Variants in ANXA8 observed in about 807,000 individuals in gnomAD.
ANXA8 encodes the protein VAC-beta.
A neutral mutation model predicts 26.8 loss-of-function variants in ANXA8; 9 were observed. The observed-to-expected ratio is 0.34, with a 90% confidence interval of 0.20 to 0.59. The LOEUF is 0.59. Ranked by LOEUF, ANXA8 falls within the 20% of genes least tolerant of loss-of-function variation. The pLI, the probability that ANXA8 is intolerant of heterozygous loss-of-function variation, is 0.84. For synonymous variants in ANXA8, 39 were observed against 94.8 expected (o/e 0.41, Z 3.42); for missense variants, 83 against 238.5 (o/e 0.35, Z 4.29).
At chr10:47,932,513 G>A in the ANXA8 span, among the ~76,000 whole-genome samples, 1 of 145,958 alleles carries the variant, frequency 6.9e-6, no homozygotes, top group African/African-American at 2.6e-5. Context: ...TTGCCCCCTT[G>A]TCTCCACATG....
the ANXA8 span, among the ~76,000 whole-genome samples, chr10:47,680,403 G>T: frequency 6.6e-6 from 1 of 151,850 alleles, no homozygotes; most frequent in African/African-American, 2.4e-5. Flanking sequence ...GGGAGTCTGC[G>T]GTGGGTGGAT....
chr10:47,682,779 T>A, the ANXA8 span, among the ~76,000 whole-genome samples: 1 of 152,044 alleles, frequency 6.6e-6, no homozygotes, highest in East Asian at 1.9e-4. Flanking sequence ...CTCACCCTAT[T>A]CCTAAGGCCA....
the ANXA8 span, chr10:47,599,842 G>T: frequency 6.7e-6 from 1 of 150,124 alleles, no homozygotes; most frequent in East Asian, 1.9e-4. Context: ...TTCCTCACAC[G>T]CACTGTTGGG....
At chr10:47,970,352 T>C in the ANXA8 span, 4 of 151,212 alleles carry the variant, frequency 2.6e-5, no homozygotes, top group African/African-American at 9.7e-5. Context: ...CTTGTGGCAC[T>C]GAAGAATGTT....
the ANXA8 span, among the ~76,000 whole-genome samples, chr10:47,556,615 T>A: frequency 1.3e-5 from 2 of 151,856 alleles, no homozygotes; most frequent in African/African-American, 4.9e-5. Flanking sequence ...GTTTTATGGA[T>A]ATGTACATAT....
the ANXA8 span, among the ~76,000 whole-genome samples, chr10:47,556,940 A>G: frequency 1.3e-5 from 2 of 149,766 alleles, no homozygotes; most frequent in Non-Finnish European, 3.0e-5. Flanking sequence ...GTATTTGCCT[A>G]CTTTATACAG....
the ANXA8 span, chr10:47,696,341 G>C: frequency 3.4e-6 from 2 of 586,280 alleles, 1 homozygote; most frequent in African/African-American, 4.1e-5. Context: ...GCTGTGACTA[G>C]TAGGTTAACC....
the ANXA8 span, chr10:47,553,204 T>A: frequency 6.6e-6 from 1 of 152,050 alleles, no homozygotes; most frequent in East Asian, 1.9e-4. Context: ...CAGATTCGGC[T>A]CAGGTCTAAG....
At chr10:47,627,009 T>C in the ANXA8 span, among the ~76,000 whole-genome samples, 1 of 149,256 alleles carries the variant, frequency 6.7e-6, no homozygotes, top group South Asian at 2.1e-4. Context: ...AAACATAAGG[T>C]TCTAAGGTTC....
the ANXA8 span, chr10:47,491,756 G>C: frequency 6.5e-7 from 1 of 1,544,318 alleles, no homozygotes; most frequent in South Asian, 1.2e-5. Context: ...TGCCTATCTA[G>C]GCTCTGGGGC....
chr10:47,510,891 C>T, the ANXA8 span, among the ~76,000 whole-genome samples: 3 of 129,282 alleles, frequency 2.3e-5, no homozygotes, highest in Admixed American at 2.4e-4. Flanking sequence ...TTTTCTACAG[C>T]AATAAAAAGC....
the ANXA8 span, among the ~76,000 whole-genome samples, chr10:47,668,761 A>G: frequency 1.3e-5 from 2 of 151,442 alleles, no homozygotes; most frequent in African/African-American, 2.4e-5. Context: ...CTTTCCTCAG[A>G]TGAGTGGTAA....
At chr10:47,619,545 A>G in the ANXA8 span, among the ~76,000 whole-genome samples, 1 of 118,858 alleles carries the variant, frequency 8.4e-6, no homozygotes, top group Non-Finnish European at 1.9e-5. Flanking sequence ...TCAGTTATTC[A>G]CACACCAAAT....
At chr10:47,953,149 C>G in the ANXA8 span, among the ~76,000 whole-genome samples, 1 of 149,420 alleles carries the variant, frequency 6.7e-6, no homozygotes, top group Non-Finnish European at 1.5e-5. Flanking sequence ...CAAAAGACAC[C>G]ATGAAGAAAA....
At chr10:47,659,850 A>T in the ANXA8 span, among the ~76,000 whole-genome samples, 1 of 151,526 alleles carries the variant, frequency 6.6e-6, no homozygotes, top group Non-Finnish European at 1.5e-5. Flanking sequence ...TCCGCCTCCC[A>T]GGCTCAGGTG....
At chr10:47,565,576 C>G in the ANXA8 span, 2 of 290,612 alleles carry the variant, frequency 6.9e-6, no homozygotes, top group East Asian at 6.8e-5. Context: ...CCTGCCCGGA[C>G]GCCGCGCCCA....
chr10:47,707,961 A>G, the ANXA8 span, among the ~76,000 whole-genome samples: 2 of 136,136 alleles, frequency 1.5e-5, no homozygotes, highest in African/African-American at 5.0e-5. Context: ...AAAGTCATGC[A>G]ATCAACCTAG....
the ANXA8 span, among the ~76,000 whole-genome samples, chr10:47,936,790 G>T: frequency 6.6e-6 from 1 of 151,842 alleles, no homozygotes; most frequent in Non-Finnish European, 1.5e-5. Flanking sequence ...TCTGACATCA[G>T]CCCGGCTAGG....
the ANXA8 span, among the ~76,000 whole-genome samples, chr10:47,528,081 T>C: frequency 1.4e-5 from 2 of 138,054 alleles, 1 homozygote. Flanking sequence ...TTTAACAGAA[T>C]GTTTTTTTTT....
Sources: allele counts gnomAD v4.1 joint callset (sites outside exome capture counted in the v4.1 genomes callset), GRCh38; gene constraint gnomAD v4.1.1; transcripts MANE v1.5; gene names NCBI Gene and HGNC (gene_info 2026-07-23, HGNC 2026-07-21).